NAF1: variants seen among roughly 807,000 people sequenced by gnomAD.
NAF1 encodes the protein H/ACA ribonucleoprotein complex non-core subunit NAF1.
A neutral mutation model predicts 40.6 loss-of-function variants in NAF1; 11 were observed. The observed-to-expected ratio is 0.27, with a 90% CI of 0.17 to 0.45. NAF1 has a LOEUF of 0.45. Ranked by LOEUF, NAF1 falls within the 20% of genes least tolerant of loss-of-function variation. The pLI is 1.00. For missense variants in NAF1, 607 were observed against 611.1 expected (o/e 0.99, Z 0.07); for synonymous variants, 260 against 228.5 (o/e 1.14, Z -1.24).
At position 163,151,364 on chromosome 4, in the gene NAF1, A is replaced by G. The variant is rs1233232834; in HGVS notation, c.541-2930T>C. ...TCACTATTGTTTTCTTTATTTCTCT[A>G]GTTTTTTTTTTTTAATATTTGTGTA... On this transcript the variant is annotated intron_variant, in intron 2 of 7. Coordinates refer to ENST00000274054, the MANE Select transcript of NAF1 (RefSeq NM_138386.3). 2.7e-5 allele frequency among the ~76,000 whole-genome samples: 4 copies of G among 147,558 alleles called. No homozygotes were observed. The East Asian group carries it at 8.0e-4, about 30-fold the overall frequency.
At chr4:163,142,178 C>T (rs1731287109) in intron 4 of NAF1, among the ~76,000 whole-genome samples, 1 of 152,244 alleles carries the variant, frequency 6.6e-6, no homozygotes, top group Non-Finnish European at 1.5e-5. Flanking sequence ...CTCAGCACCA[C>T]TCTTACTGGC....
At position 163,166,392 on chromosome 4, in the gene NAF1, C is replaced by T. The variant is rs746528513; in HGVS notation, c.336G>A (p.Glu112=). The change falls in exon 1 of 8, where the codon GAG becomes GAA. Residue 112 remains glutamate, a synonymous_variant. Transcript: ENST00000274054. ...CCGAGTCCGAATCCGAGTCCGAGGT[C>T]TCCAAGGAGTCCGGCGCCCGCGCAG... The part of the protein sequence containing the change: ...AEPARAPDSL[E]TSDSDSDSDS... 9.3e-6 allele frequency: 15 copies of T among 1,607,178 alleles called. No individual in the cohort carries two copies. The highest frequency in any genetic ancestry group is 1.2e-5 in the Non-Finnish European group (14 of 1,176,448).
At chr4:163,113,769 CAAT>C (rs1237153412) in intron 2 of NAF1, among the ~76,000 whole-genome samples, 19 of 152,224 alleles carry the variant, frequency 1.2e-4, no homozygotes, top group Admixed American at 1.2e-3. Flanking sequence ...TTTATTCCCA[CAAT>C]AATGTTTATT....
At chr4:163,106,653 G>T (rs1324038081), downstream of NAF1, among the ~76,000 whole-genome samples, 2 of 151,770 alleles carry the variant, frequency 1.3e-5, no homozygotes, top group East Asian at 3.9e-4. Context: ...CATCCAATAA[G>T]ATTTCAGCCT....
chr4:163,130,383 G>A (rs1730825242), intron 7 of NAF1, among the ~76,000 whole-genome samples: 2 of 152,070 alleles, frequency 1.3e-5, no homozygotes, highest in East Asian at 3.9e-4. Context: ...AGGAAAAAAA[G>A]AAGATATAAA....
Position 163,140,233 on chromosome 4 carries a change from T to C in NAF1, c.868A>G (p.Lys290Glu), listed in dbSNP as rs1224796824. The stretch of plus-strand genomic sequence containing the variant: ...CGGTAAAGTACTTACTGTTTTAGTT[T>C]TTCTGTGAATATATATTGAGTGAAA... Reference protein sequence around the residue: ...KDFTQYIFTEKLKQDKGSDAS... With the variant: ...KDFTQYIFTEELKQDKGSDAS... Residue 290 changes from lysine to glutamate, a missense_variant, in exon 5 of 8, where the codon AAA becomes GAA. By Grantham distance (56) the Lys-to-Glu change is moderately conservative (BLOSUM62 1). Transcript: ENST00000274054. 10 of 1,590,772 alleles carry C rather than the reference T, an allele frequency of 6.3e-6. No homozygotes were observed. Among genetic ancestry groups the C allele is most frequent in the African/African-American group, 1.4e-5 (1 of 73,354 alleles).
intron 6 of NAF1, 181 bp from the exon 7 acceptor site, chr4:163,133,437 G>A (rs79658095): frequency 0.015 from 8,199 of 534,066 alleles, 290 homozygotes; most frequent in East Asian, 0.067. Flanking sequence ...AGCATTTTTT[G>A]ATAAATGCTT....
chr4:163,104,628 A>G, the NAF1 span, among the ~76,000 whole-genome samples: 1 of 152,194 alleles, frequency 6.6e-6, no homozygotes, highest in African/African-American at 2.4e-5. Context: ...TATATTTAAG[A>G]AGACTCACCC....
chr4:163,127,225 G>A (rs1019469938), downstream of NAF1: 15 of 1,354,664 alleles, frequency 1.1e-5, no homozygotes, highest in African/African-American at 1.7e-4. Flanking sequence ...TGCCTCCCAG[G>A]TTCAAATAAT....
downstream of NAF1, among the ~76,000 whole-genome samples, chr4:163,127,496 T>A (rs1444756331): frequency 1.3e-5 from 2 of 152,230 alleles, no homozygotes. Flanking sequence ...AACATGTTAC[T>A]GTTCCCATTC....
chr4:163,134,829 T>C (rs1730994343), intron 6 of NAF1, among the ~76,000 whole-genome samples: 1 of 151,980 alleles, frequency 6.6e-6, no homozygotes, highest in Non-Finnish European at 1.5e-5. Context: ...CCAGAAAAAA[T>C]AAAATTGGAG....
At chr4:163,165,108 A>C (rs1285413846) in intron 1 of NAF1, among the ~76,000 whole-genome samples, 2 of 152,190 alleles carry the variant, frequency 1.3e-5, no homozygotes, top group Admixed American at 1.3e-4. Context: ...TTCAGCTATG[A>C]CATCTCTAAA....
Position 163,128,830 on chromosome 4 carries a change from C to A in NAF1, c.*67G>T. The A allele has an allele frequency of 7.0e-7, 1 of 1,430,516 alleles. No individual in the cohort carries two copies. The allele number at this position is 1,430,516 out of a possible 1,614,324, so 88.6% of individuals were successfully genotyped here. A position where few individuals can be genotyped will look rare whatever the true frequency, so the allele number is the denominator to read the frequency against. ...TTAAAAATCTAGCTCCATAATCACTCTTGAAAAAAAAAAATCCTTACCACA... is the reference window on the plus strand; with the variant it reads ...TTAAAAATCTAGCTCCATAATCACTATTGAAAAAAAAAAATCCTTACCACA... On this transcript the variant is annotated 3_prime_UTR_variant, in exon 8 of 8. Coordinates refer to ENST00000274054, the MANE Select transcript of NAF1 (RefSeq NM_138386.3).
intron 5 of NAF1, 100 bp downstream of exon 5, chr4:163,140,123 G>A: frequency 1.1e-6 from 1 of 930,992 alleles, no homozygotes. Flanking sequence ...CTCTTTGCAA[G>A]ACACACACAA....
chr4:163,125,349 G>A (rs1028559490), downstream of NAF1, among the ~76,000 whole-genome samples: 2 of 152,174 alleles, frequency 1.3e-5, no homozygotes, highest in East Asian at 1.9e-4. Context: ...GCCAAGTTGC[G>A]AATGCAAAGA....
At chr4:163,110,268 A>G in exon 3 of NAF1, 1 of 701,378 alleles carries the variant, frequency 1.4e-6, no homozygotes. Flanking sequence ...TCGTGGTTTC[A>G]GTTACCTTCA....
downstream of NAF1, among the ~76,000 whole-genome samples, chr4:163,123,153 G>A (rs1462921765): frequency 1.3e-5 from 2 of 152,198 alleles, no homozygotes; most frequent in African/African-American, 2.4e-5. Context: ...TCACAGGGAA[G>A]GTGAAGTGGG....
At chr4:163,136,447 TTTTTA>T (rs1731062683) in intron 6 of NAF1, 1 of 151,412 alleles carries the variant, frequency 6.6e-6, no homozygotes, top group African/African-American at 2.4e-5. Flanking sequence ...TTTATATACA[TTTTTA>T]TTTTATACTG....
At chr4:163,140,985 T>C (rs1308955794) in intron 4 of NAF1, among the ~76,000 whole-genome samples, 2 of 152,230 alleles carry the variant, frequency 1.3e-5, no homozygotes, top group Admixed American at 6.5e-5. Context: ...GAACCACATA[T>C]TTTACTTCTG....
Sources: allele counts gnomAD v4.1 joint callset (sites outside exome capture counted in the v4.1 genomes callset), GRCh38; gene constraint gnomAD v4.1.1; transcripts MANE v1.5; gene names NCBI Gene and HGNC (gene_info 2026-07-23, HGNC 2026-07-21).